MDN1: variants seen among roughly 807,000 people sequenced by gnomAD.
MDN1 encodes midasin AAA ATPase 1, also known as midasin.
A neutral mutation model predicts 669.2 loss-of-function variants in MDN1; 266 were observed. The observed-to-expected ratio is 0.40, with a 90% CI of 0.36 to 0.44. The LOEUF (loss-of-function observed/expected upper bound fraction) is 0.44. Ranked by LOEUF, MDN1 falls within the 20% of genes least tolerant of loss-of-function variation. MDN1 has a pLI of 1.00. For synonymous variants in MDN1, 2,385 were observed against 2,457.1 expected (o/e 0.97, Z 0.87); for missense variants, 5,940 against 6,754.0 (o/e 0.88, Z 4.22).
Position 89,794,207 on chromosome 6 carries a change from C to T in MDN1, c.555G>A (p.Trp185Ter). 1 of 1,536,482 alleles carries T rather than the reference C, an allele frequency of 6.5e-7. No homozygotes were observed. Among genetic ancestry groups the T allele is most frequent in the Non-Finnish European group, 8.8e-7 (1 of 1,133,176 alleles). ...LLRSHDTLVR[W>*]YTANCLALVT... ...CCAAAGCAAGACAATTGGCTGTATA[C>T]CTAGGGAAAAAGAAAGTATGTAAAT... The change falls in exon 4 of 102, where the codon TGG becomes TGA. Residue 185 changes from tryptophan (W) to a stop codon, truncating the protein, a stop_gained and splice_region_variant. Transcript: ENST00000369393. LOFTEE classifies it high-confidence loss of function.
At chr6:89,690,588 A>G (rs1812317486) in intron 64 of MDN1, 85 bp downstream of exon 64, 1 of 1,497,930 alleles carries the variant, frequency 6.7e-7, no homozygotes, top group Non-Finnish European at 9.1e-7. Flanking sequence ...AGAGAGATAA[A>G]GAGGAAGAGA....
intron 1 of MDN1, among the ~76,000 whole-genome samples, chr6:89,816,692 T>C (rs1768861043): frequency 6.8e-6 from 1 of 147,034 alleles, no homozygotes. Flanking sequence ...TTTTTTTTTT[T>C]GAGACAGAGT....
intron 65 of MDN1, 102 bp from the exon 66 acceptor site, chr6:89,688,910 CTG>C (rs1482229355): frequency 5.3e-6 from 5 of 943,320 alleles, no homozygotes; most frequent in Non-Finnish European, 8.1e-6. Context: ...TGGCTCATGT[CTG>C]TAATCCCAGC....
intron 83 of MDN1, among the ~76,000 whole-genome samples, chr6:89,670,170 A>ATATATATATATTTTT (rs1444537561): frequency 2.6e-4 from 6 of 23,398 alleles, no homozygotes; most frequent in Non-Finnish European, 3.6e-4. Context: ...ATATATATAT[A>ATATATATATATTTTT]TTTTTTTTTT....
intron 5 of MDN1, 87 bp from the exon 6 acceptor site, chr6:89,790,488 CT>C: frequency 6.6e-7 from 1 of 1,515,588 alleles, no homozygotes. Flanking sequence ...TTCTACTAAC[CT>C]TACACAAACC....
intron 2 of MDN1, chr6:89,797,477 C>A: frequency 4.9e-6 from 1 of 203,370 alleles, no homozygotes; most frequent in Non-Finnish European, 1.0e-5. Flanking sequence ...GTGTTGCTCT[C>A]TGATAAAGGT....
chr6:89,678,593 C>A lies in MDN1; in HGVS notation c.12412+6G>T, dbSNP rs1450130229. The A allele has an allele frequency of 1.9e-6, 3 of 1,612,982 alleles. No individual in the cohort carries two copies. Among genetic ancestry groups the A allele is most frequent in the African/African-American group, 2.7e-5 (2 of 74,868 alleles). ...CATTTCATTGGGTTTCAAGTGAGAACCTTACCAATTTTTGCAAGGTGTTTA... is the reference window on the plus strand; with the variant it reads ...CATTTCATTGGGTTTCAAGTGAGAAACTTACCAATTTTTGCAAGGTGTTTA... On this transcript the variant is annotated splice_donor_region_variant and intron_variant, in intron 75 of 101. Coordinates refer to ENST00000369393, the MANE Select transcript of MDN1 (RefSeq NM_014611.3).
rs577355596 is a variant in MDN1, at chr6:89,754,248, G to C, written c.2817-18C>G. On this transcript the variant is annotated intron_variant, in intron 20 of 101. Coordinates refer to ENST00000369393, the MANE Select transcript of MDN1 (RefSeq NM_014611.3). ...TGTAGAAGCTACAAATAGAATAAAGGTCAGGCAATTTTATTTACTAATAAG... is the reference window on the plus strand; with the variant it reads ...TGTAGAAGCTACAAATAGAATAAAGCTCAGGCAATTTTATTTACTAATAAG... 2 of 1,605,756 alleles carry C rather than the reference G, an allele frequency of 1.2e-6. No homozygotes were observed. Among genetic ancestry groups the C allele is most frequent in the East Asian group, 4.5e-5 (2 of 44,608 alleles).
Position 89,762,457 on chromosome 6 carries a change from A to G in MDN1, c.2218T>C (p.Phe740Leu). The part of the protein sequence containing the change: ...EAFEELFAQT[F>L]SKKQNFTFLG... Reference sequence around the variant, plus strand: ...AACGTAAAGTTTTGTTTCTTGGAAAATGTCTGAGCAAAGAGTTCCTCAAAT... The same window carrying G: ...AACGTAAAGTTTTGTTTCTTGGAAAGTGTCTGAGCAAAGAGTTCCTCAAAT... Residue 740 changes from phenylalanine to leucine, a missense_variant, in exon 16 of 102, where the codon TTT becomes CTT. Phe to Leu is a conservative substitution (Grantham distance 22). This residue lies in a region of MDN1 where 1,203 missense variants were observed against 1,268.9 expected (regional missense o/e 0.95). Coordinates refer to ENST00000369393, the MANE Select transcript of MDN1 (RefSeq NM_014611.3). 6.2e-7 allele frequency: 1 copy of G among 1,614,176 alleles called. No individual in the cohort carries two copies. Among genetic ancestry groups the G allele is most frequent in the Non-Finnish European group, 8.5e-7 (1 of 1,179,998 alleles).
At chr6:89,675,302 A>C in intron 78 of MDN1, 162 bp downstream of exon 78, 3 of 607,608 alleles carry the variant, frequency 4.9e-6, no homozygotes, top group East Asian at 2.9e-5. Context: ...CACTGAAAGC[A>C]AGGGGCAGAG....
rs139859322 is a variant in MDN1 at position 89,687,811 on chromosome 6, A to C, written c.11355+267T>G. Among the ~76,000 whole-genome samples, 1,069 of 152,276 alleles carry C rather than the reference A, an allele frequency of 7.0e-3. 4 individuals are homozygous for C. The highest frequency in any genetic ancestry group is 0.012 in the Non-Finnish European group (833 of 68,014). Reference sequence around the variant, plus strand: ...CCGTGTATGTGGGCACTCAGTTGGAATGAAGGCCCACCTGGAAGGCTGGGA... The same window carrying C: ...CCGTGTATGTGGGCACTCAGTTGGACTGAAGGCCCACCTGGAAGGCTGGGA... On this transcript the variant is annotated intron_variant, in intron 67 of 101. Coordinates refer to ENST00000369393, the MANE Select transcript of MDN1 (RefSeq NM_014611.3).
chr6:89,764,853 T>A (rs893217236), intron 15 of MDN1, among the ~76,000 whole-genome samples: 2 of 152,200 alleles, frequency 1.3e-5, no homozygotes, highest in Non-Finnish European at 2.9e-5. Flanking sequence ...AACATTTTAT[T>A]CTAAACCTTT....
chr6:89,713,830 C>T (rs74942164), intron 46 of MDN1, among the ~76,000 whole-genome samples: 1 of 151,784 alleles, frequency 6.6e-6, no homozygotes, highest in Admixed American at 6.6e-5. Flanking sequence ...GGGCGGATCA[C>T]GAGGTCAGGA....
In MDN1 at chr6:89,712,220, A is replaced by G. The variant is rs1435170186; in HGVS notation, c.7467T>C (p.Ile2489=). The change falls in exon 49 of 102, where the codon ATT becomes ATC. Residue 2489 remains isoleucine, a synonymous_variant. Transcript: ENST00000369393. ...GGTTCTCAGGGCTGGGGGACTGCAT[A>G]ATTTTCTCTAAGTCTTGCAAGGTAA... ...QPFTLQDLEK[I]MQSPSPENLK... is the part of the protein sequence containing the mutation. The G allele has an allele frequency of 1.2e-6, 2 of 1,613,998 alleles. No homozygotes were observed. The highest frequency in any genetic ancestry group is 1.7e-6 in the Non-Finnish European group (2 of 1,179,990).
Position 89,674,510 on chromosome 6 carries a change from C to T in MDN1, c.12841G>A (p.Asp4281Asn), listed in dbSNP as rs757879781. The change falls in exon 79 of 102, where the codon GAT becomes AAT. Residue 4281 changes from aspartate (D) to asparagine (N), a missense_variant. By Grantham distance (23) the Asp-to-Asn change is conservative. Transcript: ENST00000369393. ...QAYPVAFPPQ[D>N]GVQQWTERLQ... ...CGCTCTGTCCACTGCTGCACGCCAT[C>T]CTGAGGGGGGAAGGCCACGGGGTAG... 2.5e-5 allele frequency: 40 copies of T among 1,610,308 alleles called. No individual in the cohort carries two copies. The highest frequency in any genetic ancestry group is 3.4e-5 in the Non-Finnish European group (40 of 1,179,776).
chr6:89,785,366 A>C (rs1420233271), intron 8 of MDN1, among the ~76,000 whole-genome samples: 1 of 152,210 alleles, frequency 6.6e-6, no homozygotes, highest in Non-Finnish European at 1.5e-5. Flanking sequence ...AATATTTTCA[A>C]ATCACTGCAA....
intron 1 of MDN1, among the ~76,000 whole-genome samples, chr6:89,809,084 G>A (rs1391977093): frequency 1.3e-5 from 2 of 151,766 alleles, no homozygotes; most frequent in East Asian, 2.0e-4. Flanking sequence ...GGACATGGTG[G>A]TGGGAGCCTG....
chr6:89,805,308 G>A (rs1251253896), intron 1 of MDN1, among the ~76,000 whole-genome samples: 2 of 152,096 alleles, frequency 1.3e-5, no homozygotes, highest in African/African-American at 2.4e-5. Context: ...TTGGAAGGCC[G>A]AAGCAGACAG....
intron 83 of MDN1, among the ~76,000 whole-genome samples, chr6:89,670,170 A>ATATATTTTT (rs1444537561): frequency 1.1e-3 from 25 of 23,394 alleles, no homozygotes; most frequent in African/African-American, 5.7e-3. Flanking sequence ...ATATATATAT[A>ATATATTTTT]TTTTTTTTTT....
Sources: gnomAD v4.1 joint callset for allele counts (sites outside exome capture counted in the v4.1 genomes callset) on GRCh38, gnomAD v4.1.1 for gene constraint, gnomAD v4.1.1 regional missense constraint, MANE v1.5 for transcripts, NCBI Gene and HGNC (gene_info 2026-07-23, HGNC 2026-07-21) for gene names.